TDRD3: variants seen among roughly 807,000 people sequenced by gnomAD.
The protein encoded by TDRD3 is tudor domain-containing protein 3.
TDRD3 carries 45 observed loss-of-function variants against 86.7 expected under a neutral mutation model. The observed-to-expected ratio is 0.52, with a 90% CI of 0.41 to 0.67. The LOEUF (loss-of-function observed/expected upper bound fraction) is 0.67. Ranked by LOEUF, TDRD3 falls within the 30% of genes least tolerant of loss-of-function variation. The pLI, the probability that TDRD3 is intolerant of heterozygous loss-of-function variation, is 0.00. For synonymous variants in TDRD3, 298 were observed against 301.7 expected (o/e 0.99, Z 0.13); for missense variants, 814 against 889.0 (o/e 0.92, Z 1.07).
chr13:60,427,770 A>G (rs759199891), intron 1 of TDRD3, among the ~76,000 whole-genome samples: 2 of 152,232 alleles, frequency 1.3e-5, no homozygotes, highest in Non-Finnish European at 2.9e-5. Context: ...TAAGTTGAAT[A>G]GAAAATGTCC....
intron 10 of TDRD3, among the ~76,000 whole-genome samples, chr13:60,515,631 T>C (rs1957151070): frequency 6.6e-6 from 1 of 152,190 alleles, no homozygotes; most frequent in African/African-American, 2.4e-5. Flanking sequence ...TGTGTTACTT[T>C]CTCTTGTTGA....
chr13:60,544,777 C>T (rs1484500820), intron 12 of TDRD3, among the ~76,000 whole-genome samples: 1 of 152,178 alleles, frequency 6.6e-6, no homozygotes, highest in Admixed American at 6.5e-5. Flanking sequence ...CCATATCAAA[C>T]TCCAGAGCTC....
intron 2 of TDRD3, among the ~76,000 whole-genome samples, chr13:60,443,354 A>G (rs1221702740): frequency 4.6e-5 from 7 of 152,004 alleles, no homozygotes; most frequent in African/African-American, 1.7e-4. Flanking sequence ...TAATTCTGTC[A>G]TTGGATTGAG....
intron 1 of TDRD3, among the ~76,000 whole-genome samples, chr13:60,421,529 A>G (rs958873315): frequency 2.6e-5 from 4 of 152,202 alleles, no homozygotes; most frequent in African/African-American, 7.2e-5. Context: ...CAGTTTGTCT[A>G]TTTGCTGAAG....
intron 9 of TDRD3, 35 bp downstream of exon 9, chr13:60,509,954 G>A (rs755304408): frequency 2.5e-6 from 4 of 1,598,090 alleles, no homozygotes; most frequent in Admixed American, 1.7e-5. Context: ...AGATAGTATT[G>A]TTTGCTTTTC....
At chr13:60,501,090 A>T (rs1200313716) in intron 8 of TDRD3, among the ~76,000 whole-genome samples, 1 of 152,182 alleles carries the variant, frequency 6.6e-6, no homozygotes, top group African/African-American at 2.4e-5. Context: ...ATTATATTGC[A>T]CATTTTCCAT....
At chr13:60,534,302 G>A (rs1034930191) in intron 11 of TDRD3, among the ~76,000 whole-genome samples, 1 of 152,098 alleles carries the variant, frequency 6.6e-6, no homozygotes, top group African/African-American at 2.4e-5. Flanking sequence ...AACAGAGTGA[G>A]AACTTGTCTC....
At chr13:60,505,679 G>A (rs1049490666) in intron 8 of TDRD3, among the ~76,000 whole-genome samples, 3 of 152,166 alleles carry the variant, frequency 2.0e-5, no homozygotes, top group Non-Finnish European at 2.9e-5. Flanking sequence ...GTTTAGAGAA[G>A]AACATAAATG....
chr13:60,418,192 T>TG (rs1680256923), intron 1 of TDRD3, among the ~76,000 whole-genome samples: 1 of 152,166 alleles, frequency 6.6e-6, no homozygotes, highest in Admixed American at 6.5e-5. Context: ...AACTTGCTTG[T>TG]GGGTCTCTTA....
intron 1 of TDRD3, among the ~76,000 whole-genome samples, chr13:60,420,538 T>C (rs1350023414): frequency 6.6e-6 from 1 of 152,050 alleles, no homozygotes; most frequent in Non-Finnish European, 1.5e-5. Context: ...GTTTGTGGAG[T>C]GGGAAAGAAG....
chr13:60,464,378 A>G (rs1377033782), intron 4 of TDRD3, among the ~76,000 whole-genome samples: 1 of 152,128 alleles, frequency 6.6e-6, no homozygotes, highest in African/African-American at 2.4e-5. Flanking sequence ...GAAATACCAT[A>G]TGATACAGCA....
chr13:60,421,342 C>T (rs1037719210), intron 1 of TDRD3, among the ~76,000 whole-genome samples: 9 of 152,096 alleles, frequency 5.9e-5, no homozygotes, highest in Non-Finnish European at 1.0e-4. Flanking sequence ...ATAAAACAAT[C>T]GGATCTCATG....
At position 60,481,349 on chromosome 13, in the gene TDRD3, G is replaced by GTT. The variant is rs796837758; in HGVS notation, c.496-2413_496-2412dup. 1.4e-3 allele frequency among the ~76,000 whole-genome samples: 193 copies of GTT among 137,366 alleles called. 1 individual carries two copies. The South Asian group carries it at 0.014, about 10-fold the overall frequency. The allele number at this position is 137,366 out of a possible 152,430, so 90.1% of individuals were successfully genotyped here. A position where few individuals can be genotyped will look rare whatever the true frequency, so the allele number is the denominator to read the frequency against. On this transcript the variant is annotated intron_variant, in intron 5 of 13. Transcript: ENST00000377881. ...TGTATTTTTTCTCTTCCCTCTTTGT[G>GTT]TTTTTTTTTTTTTTGTATTATATCT...
At chr13:60,408,704 T>C (rs2137818910) in intron 1 of TDRD3, among the ~76,000 whole-genome samples, 1 of 152,270 alleles carries the variant, frequency 6.6e-6, no homozygotes, top group East Asian at 1.9e-4. Context: ...ATTCAAAAGG[T>C]GACTTGGGTG....
At chr13:60,431,962 G>C (rs545722573) in intron 1 of TDRD3, among the ~76,000 whole-genome samples, 2 of 151,848 alleles carry the variant, frequency 1.3e-5, no homozygotes, top group Non-Finnish European at 2.9e-5. Flanking sequence ...TTTTAAGCTA[G>C]CATTGATTCA....
At chr13:60,522,925 A>G (rs1195503121) in intron 10 of TDRD3, among the ~76,000 whole-genome samples, 1 of 152,100 alleles carries the variant, frequency 6.6e-6, no homozygotes, top group Non-Finnish European at 1.5e-5. Flanking sequence ...TGGAAAAATC[A>G]TGTGTTTTAG....
chr13:60,418,171 C>G (rs1454936205), intron 1 of TDRD3, among the ~76,000 whole-genome samples: 4 of 152,146 alleles, frequency 2.6e-5, no homozygotes, highest in African/African-American at 4.8e-5. Flanking sequence ...AGTTTATGCT[C>G]TAACAAGACC....
At chr13:60,528,281 T>C in intron 10 of TDRD3, 86 bp from the exon 11 acceptor site, 1 of 1,353,700 alleles carries the variant, frequency 7.4e-7, no homozygotes, top group Non-Finnish European at 9.8e-7. Flanking sequence ...TTGATAATTT[T>C]GTATTAATAG....
rs568184920 is a variant in TDRD3, at chr13:60,456,854, C to G, written c.193-3526C>G. On this transcript the variant is annotated intron_variant, in intron 3 of 13. Transcript: ENST00000377881. ...GCGGCTACAAGCACACACCACCACG[C>G]TTGGCTAATTTTTGTATTTTTTGTA... 4.9e-4 allele frequency among the ~76,000 whole-genome samples: 74 copies of G among 152,154 alleles called. 1 individual carries two copies. In the South Asian group the frequency reaches 0.015, roughly 31 times the overall value.
Sources: gnomAD v4.1 joint callset for allele counts (sites outside exome capture counted in the v4.1 genomes callset) on GRCh38, gnomAD v4.1.1 for gene constraint, MANE v1.5 for transcripts, NCBI Gene and HGNC (gene_info 2026-07-23, HGNC 2026-07-21) for gene names.